The following MRC1 variants were observed in gnomAD, a reference collection of about 807,000 sequenced individuals.
MRC1 encodes the protein mannose receptor C-type 1.
In MRC1, 62 loss-of-function variants were observed where a neutral mutation model predicts 102.9. The observed-to-expected ratio is 0.60, with a 90% CI of 0.49 to 0.74. MRC1 has a LOEUF of 0.74. Ranked by LOEUF, MRC1 falls within the 30% of genes least tolerant of loss-of-function variation. The probability of loss-of-function intolerance (pLI) is 0.00; values close to 1 mark genes in which losing one functional copy is unlikely to be tolerated. For synonymous variants in MRC1, 457 were observed against 298.4 expected (o/e 1.53, Z -5.48); for missense variants, 1,237 against 862.8 (o/e 1.43, Z -5.43).
At chr10:17,872,511 C>T (rs1317415581) in intron 15 of MRC1, among the ~76,000 whole-genome samples, 1 of 152,180 alleles carries the variant, frequency 6.6e-6, no homozygotes, top group Non-Finnish European at 1.5e-5. Context: ...AATAGTTGAA[C>T]ATTTCCCCAA....
In MRC1 at chr10:17,827,612, G is replaced by A; in HGVS notation, c.534G>A (p.Trp178Ter). ...TCCCGTTCAAGTTTGAAAACAAGTG[G>A]TACGCAGATTGCACGAGTGCTGGGC... ...CAFPFKFENK[W>*]YADCTSAGRS... is the part of the protein sequence containing the mutation. The change falls in exon 3 of 30, where the codon TGG (tryptophan) becomes TGA (stop). Residue 178 changes from tryptophan (W) to a stop codon, truncating the protein, a stop_gained. Coordinates refer to ENST00000569591, the MANE Select transcript of MRC1 (RefSeq NM_002438.4). LOFTEE classifies it high-confidence loss of function. 2.6e-6 allele frequency: 2 copies of A among 780,824 alleles called. No individual in the cohort carries two copies. The highest frequency in any genetic ancestry group is 1.3e-5 in the South Asian group (1 of 74,606). The allele number at this position is 780,824 out of a possible 1,614,324, so 48.4% of individuals were successfully genotyped here. A position where few individuals can be genotyped will look rare whatever the true frequency, so the allele number is the denominator to read the frequency against.
chr10:17,863,500 A>C (rs782509649), intron 10 of MRC1, 34 bp from the exon 11 acceptor site: 1 of 780,348 alleles, frequency 1.3e-6, no homozygotes, highest in Non-Finnish European at 2.4e-6. Context: ...AATGTTTCAA[A>C]AACTTAATTG....
chr10:17,811,988 G>T (rs926240466), intron 1 of MRC1, among the ~76,000 whole-genome samples: 2 of 152,116 alleles, frequency 1.3e-5, no homozygotes, highest in African/African-American at 2.4e-5. Context: ...TAAACTATGC[G>T]AAGCCCCAAC....
chr10:17,862,914 C>A (rs1833205603), intron 10 of MRC1: 1 of 152,154 alleles, frequency 6.6e-6, no homozygotes, highest in South Asian at 2.1e-4. Flanking sequence ...TTTATTGTTC[C>A]CAGATTAATG....
intron 11 of MRC1, among the ~76,000 whole-genome samples, chr10:17,864,037 C>T (rs982699527): frequency 4.6e-5 from 7 of 152,072 alleles, no homozygotes; most frequent in South Asian, 4.2e-4. Context: ...GAGCCTCACT[C>T]GGTTGCCCAG....
At chr10:17,862,010 G>C (rs1001856673) in intron 10 of MRC1, among the ~76,000 whole-genome samples, 2 of 151,952 alleles carry the variant, frequency 1.3e-5, no homozygotes, top group Admixed American at 1.3e-4. Context: ...TTATCTCTAG[G>C]GTCCTATCTA....
At chr10:17,841,636 A>G (rs1016271413) in intron 5 of MRC1, among the ~76,000 whole-genome samples, 1 of 152,172 alleles carries the variant, frequency 6.6e-6, no homozygotes, top group Non-Finnish European at 1.5e-5. Flanking sequence ...AAAAAATGAT[A>G]TAAAGTTTTT....
At chr10:17,892,817 C>T (rs1833698264) in intron 22 of MRC1, among the ~76,000 whole-genome samples, 1 of 152,004 alleles carries the variant, frequency 6.6e-6, no homozygotes, top group Non-Finnish European at 1.5e-5. Context: ...CGAGACCATC[C>T]TGGCCAACAT....
intron 1 of MRC1, among the ~76,000 whole-genome samples, chr10:17,821,549 A>C (rs1554838281): frequency 1.3e-5 from 2 of 152,096 alleles, no homozygotes; most frequent in Non-Finnish European, 2.9e-5. Context: ...TGATCATTTC[A>C]AGGTAGGATA....
intron 4 of MRC1, among the ~76,000 whole-genome samples, chr10:17,838,604 G>A (rs1392380545): frequency 6.6e-6 from 1 of 151,834 alleles, no homozygotes; most frequent in Non-Finnish European, 1.5e-5. Context: ...TTGGACATTT[G>A]TGTATCTTCT....
At chr10:17,844,026 A>G (rs1431535417) in intron 5 of MRC1, among the ~76,000 whole-genome samples, 2 of 152,200 alleles carry the variant, frequency 1.3e-5, no homozygotes, top group African/African-American at 2.4e-5. Context: ...AAATGTATCA[A>G]TGCCTACATT....
chr10:17,810,545 T>A (rs1838206597), intron 1 of MRC1, among the ~76,000 whole-genome samples: 1 of 152,242 alleles, frequency 6.6e-6, no homozygotes, highest in Non-Finnish European at 1.5e-5. Context: ...CCTGTCTCTC[T>A]CACTCACTAG....
Position 17,870,384 on chromosome 10 carries a change from T to A in MRC1, c.2111+11T>A. 5 of 780,266 alleles carry A rather than the reference T, an allele frequency of 6.4e-6. No individual in the cohort carries two copies. In the South Asian group the frequency reaches 6.7e-5, roughly 10 times the overall value. 48.3% of individuals were successfully genotyped at this position (780,266 alleles called of 1,614,324 possible). On this transcript the variant is annotated intron_variant, in intron 13 of 29. Coordinates refer to ENST00000569591, the MANE Select transcript of MRC1 (RefSeq NM_002438.4). Reference sequence around the variant, plus strand: ...ATGGCGATTAATAACGTAAGTGGTATTTTTATGGATTCCTCCTTTTTGTTA... The same window carrying A: ...ATGGCGATTAATAACGTAAGTGGTAATTTTATGGATTCCTCCTTTTTGTTA...
chr10:17,868,812 T>C (rs1256165599), intron 12 of MRC1, among the ~76,000 whole-genome samples: 2 of 152,284 alleles, frequency 1.3e-5, no homozygotes, highest in East Asian at 3.9e-4. Context: ...TCAATCCAGA[T>C]TGGCCATCAG....
intron 27 of MRC1, among the ~76,000 whole-genome samples, chr10:17,907,300 T>C (rs1365834744): frequency 6.6e-6 from 1 of 152,188 alleles, no homozygotes; most frequent in African/African-American, 2.4e-5. Flanking sequence ...AGTATAAATA[T>C]TTGTACTAAT....
In MRC1 at chr10:17,817,882, G is replaced by A. The variant is rs914680976; in HGVS notation, c.62-5192G>A. 3.4e-3 allele frequency among the ~76,000 whole-genome samples: 512 copies of A among 152,292 alleles called. 3 individuals are homozygous for A. The highest frequency in any genetic ancestry group is 0.011 in the African/African-American group (475 of 41,556). On this transcript the variant is annotated intron_variant, in intron 1 of 29. Coordinates refer to ENST00000569591, the MANE Select transcript of MRC1 (RefSeq NM_002438.4). ...CTTGAATACGCCTTCAGAGGAAGAAGTATGACATTTTAAGTCAGACATGTT... is the reference window on the plus strand; with the variant it reads ...CTTGAATACGCCTTCAGAGGAAGAAATATGACATTTTAAGTCAGACATGTT...
chr10:17,834,965 C>A (rs1207886438), intron 4 of MRC1, among the ~76,000 whole-genome samples: 1 of 152,086 alleles, frequency 6.6e-6, no homozygotes, highest in African/African-American at 2.4e-5. Flanking sequence ...CTGCCATGTT[C>A]AAAAAACCCC....
chr10:17,860,652 T>C (rs1833170993), intron 9 of MRC1, among the ~76,000 whole-genome samples: 1 of 152,302 alleles, frequency 6.6e-6, no homozygotes, highest in African/African-American at 2.4e-5. Flanking sequence ...AAAAGTGCTC[T>C]CCTATGACCA....
intron 24 of MRC1, among the ~76,000 whole-genome samples, chr10:17,900,277 T>G (rs1204193392): frequency 6.6e-6 from 1 of 151,892 alleles, no homozygotes; most frequent in Non-Finnish European, 1.5e-5. Context: ...CCCTTACCTC[T>G]CTTCCATACC....
Sources: gnomAD v4.1 joint callset for allele counts (sites outside exome capture counted in the v4.1 genomes callset) on GRCh38, gnomAD v4.1.1 for gene constraint, MANE v1.5 for transcripts, NCBI Gene and HGNC (gene_info 2026-07-23, HGNC 2026-07-21) for gene names.